Variants in LIN28A observed in about 807,000 individuals in gnomAD.
LIN28A encodes protein lin-28 homolog A.
Under a neutral mutation model 21.1 loss-of-function variants are expected in LIN28A, and 11 were observed. That is an observed-to-expected ratio of 0.52 (90% confidence interval 0.33 to 0.86). The LOEUF (loss-of-function observed/expected upper bound fraction) is 0.86. Among genes scored for constraint, LIN28A ranks in the 40% least tolerant of loss-of-function variants. LIN28A has a pLI of 0.03. For synonymous variants in LIN28A, 111 were observed against 108.7 expected (o/e 1.02, Z -0.13); for missense variants, 219 against 279.8 (o/e 0.78, Z 1.55).
intron 2 of LIN28A, among the ~76,000 whole-genome samples, chr1:26,424,476 G>A (rs1227575686): frequency 1.3e-5 from 2 of 151,958 alleles, no homozygotes; most frequent in Non-Finnish European, 2.9e-5. Context: ...TCTGGACCTC[G>A]TGATCCACCT....
rs1009846832 is a variant in LIN28A, at chr1:26,429,717, C to T, written c.*3259C>T. 2.6e-5 allele frequency: 4 copies of T among 152,194 alleles called. No homozygotes were observed. The highest frequency in any genetic ancestry group is 2.6e-4 in the Admixed American group (4 of 15,284). The allele number at this position is 152,194 out of a possible 1,614,324, so 9.4% of individuals were successfully genotyped here. A position where few individuals can be genotyped will look rare whatever the true frequency, so the allele number is the denominator to read the frequency against. On this transcript the variant is annotated 3_prime_UTR_variant, in exon 4 of 4. Coordinates refer to ENST00000326279, the MANE Select transcript of LIN28A (RefSeq NM_024674.6). Reference sequence around the variant, plus strand: ...ATGAATAAATAAAGACTTATTGGTACGCAAACTGTCATCCCCTTGTCAGAT... The same window carrying T: ...ATGAATAAATAAAGACTTATTGGTATGCAAACTGTCATCCCCTTGTCAGAT...
In LIN28A at chr1:26,411,279, G is replaced by A. The variant is rs890535507; in HGVS notation, c.32-107G>A. The stretch of plus-strand genomic sequence containing the variant: ...TGTTGCTTGGTAGCTGCCCCCTCCT[G>A]GCTGTCCACTTGTGGGGCTGGATAC... On this transcript the variant is annotated intron_variant, in intron 1 of 3. Coordinates refer to ENST00000326279, the MANE Select transcript of LIN28A (RefSeq NM_024674.6). The surrounding 1 kb of genome is among the most constrained non-coding windows in gnomAD (Gnocchi z 5.4). The A allele has an allele frequency of 7.2e-6, 8 of 1,113,966 alleles. No homozygotes were observed. The highest frequency in any genetic ancestry group is 1.6e-5 in the South Asian group (1 of 61,046). The allele number at this position is 1,113,966 out of a possible 1,614,324, so 69.0% of individuals were successfully genotyped here.
chr1:26,426,882 C>A lies in LIN28A; in HGVS notation c.*424C>A. 5.4e-6 allele frequency: 1 copy of A among 183,646 alleles called. No individual in the cohort carries two copies. The allele number at this position is 183,646 out of a possible 1,614,324, so 11.4% of individuals were successfully genotyped here. ...CACTACATTCTGTGGAAGGAGATCT[C>A]TCAGGAGTAAGCATTGTTTTTTTTT... On this transcript the variant is annotated 3_prime_UTR_variant, in exon 4 of 4. Coordinates refer to ENST00000326279, the MANE Select transcript of LIN28A (RefSeq NM_024674.6).
rs576916134 is a variant in LIN28A at position 26,417,445 on chromosome 1, C to G, written c.228+5863C>G. On this transcript the variant is annotated intron_variant, in intron 2 of 3. Transcript: ENST00000326279. ...ATGAAGCTAAGTTAGGGATGTGACA[C>G]CACAGGACTGAATCATTAAAATTAC... Among the ~76,000 whole-genome samples the G allele has an allele frequency of 3.3e-5, 5 of 152,318 alleles. No homozygotes were observed. In the East Asian group the frequency reaches 9.6e-4, roughly 29 times the overall value.
chr1:26,417,860 G>A (rs376320260), intron 2 of LIN28A, among the ~76,000 whole-genome samples: 4 of 152,134 alleles, frequency 2.6e-5, no homozygotes, highest in African/African-American at 9.7e-5. Context: ...AGAATCTTCC[G>A]GCTGGAATGG....
In LIN28A at chr1:26,410,914, A is replaced by C; in HGVS notation, c.23A>C (p.Gln8Pro). MGSVSNQ[Q>P]FAGGCAKAAE... is the part of the protein sequence containing the mutation. The stretch of plus-strand genomic sequence containing the variant: ...ACCATGGGCTCCGTGTCCAACCAGC[A>C]GTTTGCAGGTTCGAGCTCGGGACTT... The change falls in exon 1 of 4, where the codon CAG becomes CCG. Residue 8 changes from glutamine (Q) to proline (P), a missense_variant. Gln to Pro is a moderately conservative substitution (Grantham distance 76). Transcript: ENST00000326279. The C allele has an allele frequency of 1.9e-6, 3 of 1,606,742 alleles. No homozygotes were observed. The South Asian group carries it at 3.3e-5, about 18-fold the overall frequency.
At position 26,411,843 on chromosome 1, in the gene LIN28A, G is replaced by C. The variant is rs2074961782; in HGVS notation, c.228+261G>C. Among the ~76,000 whole-genome samples the C allele has an allele frequency of 6.6e-6, 1 of 152,218 alleles. No individual in the cohort carries two copies. The highest frequency in any genetic ancestry group is 1.5e-5 in the Non-Finnish European group (1 of 68,044). On this transcript the variant is annotated intron_variant, in intron 2 of 3. Transcript: ENST00000326279. This position sits in a 1 kb window ranked among gnomAD's most constrained non-coding sequence, Gnocchi z 5.4. ...ACGTGTCTATTACCTCTTTCCCCTG[G>C]GAAGGGGCAGGGGGCAGGGAGGTGA...
At chr1:26,412,453 C>T (rs1457303389) in intron 2 of LIN28A, among the ~76,000 whole-genome samples, 1 of 152,186 alleles carries the variant, frequency 6.6e-6, no homozygotes, top group Non-Finnish European at 1.5e-5. Context: ...TCTCCCTCCT[C>T]CCAGGCTTCC....
At chr1:26,419,096 G>A (rs1483649608) in intron 2 of LIN28A, among the ~76,000 whole-genome samples, 4 of 152,200 alleles carry the variant, frequency 2.6e-5, no homozygotes, top group African/African-American at 9.6e-5. Context: ...GGAAGGGGGC[G>A]GGGCCCTGCT....
At position 26,426,290 on chromosome 1, in the gene LIN28A, G is replaced by A; in HGVS notation, c.462G>A (p.Leu154=). ...GLDHHAKECK[L]PPQPKKCHFC... Reference sequence around the variant, plus strand: ...ATCATCATGCCAAGGAATGCAAGCTGCCACCCCAGCCCAAGAAGTGCCACT... The same window carrying A: ...ATCATCATGCCAAGGAATGCAAGCTACCACCCCAGCCCAAGAAGTGCCACT... Residue 154 remains leucine (L), a synonymous_variant, in exon 4 of 4, where the codon CTG becomes CTA. Coordinates refer to ENST00000326279, the MANE Select transcript of LIN28A (RefSeq NM_024674.6). 1.2e-6 allele frequency: 2 copies of A among 1,614,184 alleles called. No homozygotes were observed. Among genetic ancestry groups the A allele is most frequent in the Non-Finnish European group, 1.7e-6 (2 of 1,180,034 alleles).
At chr1:26,425,528 T>G in intron 3 of LIN28A, 41 bp downstream of exon 3, 1 of 1,562,146 alleles carries the variant, frequency 6.4e-7, no homozygotes, top group Non-Finnish European at 8.8e-7. Flanking sequence ...GCTAAGGGCA[T>G]CCCCAGTCTC....
chr1:26,418,576 T>A (rs183396629), intron 2 of LIN28A, among the ~76,000 whole-genome samples: 1 of 151,630 alleles, frequency 6.6e-6, no homozygotes, highest in African/African-American at 2.4e-5. Flanking sequence ...ATGCTGTCTG[T>A]TGTCTGATGC....
intron 2 of LIN28A, among the ~76,000 whole-genome samples, chr1:26,422,414 ATTT>A (rs60313858): frequency 7.4e-6 from 1 of 134,894 alleles, no homozygotes. Flanking sequence ...CAATTGTCCT[ATTT>A]TTTTTTTTTT....
intron 3 of LIN28A, among the ~76,000 whole-genome samples, chr1:26,425,996 T>G (rs1406143129): frequency 6.6e-6 from 1 of 152,208 alleles, no homozygotes; most frequent in Non-Finnish European, 1.5e-5. Context: ...GGTCAGTAAC[T>G]TATATTTCTG....
In LIN28A at chr1:26,426,364, A is replaced by G. The variant is rs369122240; in HGVS notation, c.536A>G (p.Gln179Arg). ...GTAGCCTCATGTCCGCTGAAGGCCC[A>G]GCAGGGCCCTAGTGCACAGGGAAAG... ...HMVASCPLKA[Q>R]QGPSAQGKPT... is the part of the protein sequence containing the mutation. Residue 179 changes from glutamine to arginine, a missense_variant, in exon 4 of 4, where the codon CAG becomes CGG. Gln to Arg is a conservative substitution (Grantham distance 43). Transcript: ENST00000326279. The G allele has an allele frequency of 5.0e-6, 8 of 1,614,054 alleles. No individual in the cohort carries two copies. Among genetic ancestry groups the G allele is most frequent in the Non-Finnish European group, 5.9e-6 (7 of 1,179,988 alleles).
In LIN28A at chr1:26,426,331, G is replaced by T; in HGVS notation, c.503G>T (p.Ser168Ile). ...AAGTGCCACTTCTGCCAGAGCATCA[G>T]CCATATGGTAGCCTCATGTCCGCTG... ...PKKCHFCQSI[S>I]HMVASCPLKA... Residue 168 changes from serine to isoleucine, a missense_variant, in exon 4 of 4, where the codon AGC becomes ATC. Coordinates refer to ENST00000326279, the MANE Select transcript of LIN28A (RefSeq NM_024674.6). 1 of 1,614,192 alleles carries T rather than the reference G, an allele frequency of 6.2e-7. No homozygotes were observed. The highest frequency in any genetic ancestry group is 8.5e-7 in the Non-Finnish European group (1 of 1,180,018).
At chr1:26,423,121 T>G (rs963294159) in intron 2 of LIN28A, among the ~76,000 whole-genome samples, 19 of 152,188 alleles carry the variant, frequency 1.2e-4, no homozygotes, top group African/African-American at 3.4e-4. Context: ...TGGTGCCATC[T>G]CTGCAACCTC....
chr1:26,425,279 A>G, intron 2 of LIN28A, 24 bp from the exon 3 acceptor site: 3 of 1,601,946 alleles, frequency 1.9e-6, no homozygotes, highest in African/African-American at 2.7e-5. Context: ...TAATGTTAAA[A>G]TTTACTGCAT....
chr1:26,419,151 G>T (rs1334356955), intron 2 of LIN28A, among the ~76,000 whole-genome samples: 1 of 152,090 alleles, frequency 6.6e-6, no homozygotes. Context: ...AAGAATTTCA[G>T]GCGCTTTTCA....
Sources: gnomAD v4.1 joint callset for allele counts (sites outside exome capture counted in the v4.1 genomes callset) on GRCh38, gnomAD v4.1.1 for gene constraint, Gnocchi (gnomAD v3.1) non-coding constraint, MANE v1.5 for transcripts, NCBI Gene and HGNC (gene_info 2026-07-23, HGNC 2026-07-21) for gene names.